FGF1: variants seen among roughly 807,000 people sequenced by gnomAD.
The protein encoded by FGF1 is beta-endothelial cell growth factor.
Under a neutral mutation model 13.4 loss-of-function variants are expected in FGF1, and 9 were observed. The ratio of observed to expected loss-of-function variants is 0.67; its 90% CI spans 0.40 to 1.17. FGF1 has a LOEUF of 1.17. FGF1 is among the 50% of genes most tolerant of loss of function. FGF1 has a pLI of 0.01. For missense variants in FGF1, 156 were observed against 192.7 expected (o/e 0.81, Z 1.13); for synonymous variants, 93 against 79.0 (o/e 1.18, Z -0.94).
chr5:142,625,150 AC>A (rs1762243502), intron 1 of FGF1, among the ~76,000 whole-genome samples: 1 of 152,176 alleles, frequency 6.6e-6, no homozygotes. Context: ...GTCTAGCCAC[AC>A]CAGACTCATC....
At chr5:142,606,321 G>T (rs1468878729) in intron 2 of FGF1, among the ~76,000 whole-genome samples, 1 of 151,224 alleles carries the variant, frequency 6.6e-6, no homozygotes, top group African/African-American at 2.4e-5. Context: ...AAATTGCAAT[G>T]GGAGAATATA....
chr5:142,694,973 C>T (rs1434227358), intron 2 of FGF1, among the ~76,000 whole-genome samples: 1 of 152,138 alleles, frequency 6.6e-6, no homozygotes, highest in Non-Finnish European at 1.5e-5. Context: ...TGACCCATCA[C>T]CTGTGCCCTT....
At chr5:142,644,672 A>G (rs566825968) in intron 1 of FGF1, among the ~76,000 whole-genome samples, 19 of 152,312 alleles carry the variant, frequency 1.2e-4, no homozygotes, top group South Asian at 1.0e-3. Flanking sequence ...TGCATGTCAT[A>G]TGATTTAGCA....
At chr5:142,607,450 A>G (rs1016570845) in intron 2 of FGF1, among the ~76,000 whole-genome samples, 3 of 152,220 alleles carry the variant, frequency 2.0e-5, no homozygotes, top group Admixed American at 2.0e-4. Context: ...AGATACGTCC[A>G]TGGTCTGTAG....
chr5:142,684,186 C>G (rs1478780426), intron 1 of FGF1, among the ~76,000 whole-genome samples: 1 of 152,178 alleles, frequency 6.6e-6, no homozygotes, highest in Non-Finnish European at 1.5e-5. Flanking sequence ...TGCATGTCAC[C>G]TAAGTGAGTG....
intron 2 of FGF1, among the ~76,000 whole-genome samples, chr5:142,609,293 A>C (rs1758531460): frequency 6.6e-6 from 1 of 152,182 alleles, no homozygotes; most frequent in African/African-American, 2.4e-5. Flanking sequence ...TGGTGCCGGT[A>C]ATTCTGCTCC....
intron 1 of FGF1, chr5:142,680,215 G>C (rs941290669): frequency 1.3e-5 from 2 of 152,138 alleles, no homozygotes; most frequent in Admixed American, 1.3e-4. Flanking sequence ...TATGAATTTG[G>C]GGGTGGACAC....
At chr5:142,621,103 C>G (rs534473423) in intron 1 of FGF1, among the ~76,000 whole-genome samples, 1 of 152,292 alleles carries the variant, frequency 6.6e-6, no homozygotes, top group African/African-American at 2.4e-5. Context: ...AATTCTGCTG[C>G]TAGTGACCAT....
At chr5:142,666,295 C>T (rs530939685) in intron 1 of FGF1, among the ~76,000 whole-genome samples, 1 of 150,498 alleles carries the variant, frequency 6.6e-6, no homozygotes, top group Non-Finnish European at 1.5e-5. Flanking sequence ...CACACACACA[C>T]ACACACACAC....
At chr5:142,661,202 C>G (rs768776464) in intron 1 of FGF1, among the ~76,000 whole-genome samples, 1 of 152,182 alleles carries the variant, frequency 6.6e-6, no homozygotes, top group Non-Finnish European at 1.5e-5. Flanking sequence ...TCAATAGCTG[C>G]CTCACAAACA....
rs1336782027 is a variant in FGF1, at chr5:142,666,276, TAATACACACA to T, written c.-35+19671_-35+19680del. ...TGACTCTAATGGTCTAAGGAGCATG[TAATACACACA>T]CACACACACACACACACACACACAC... On this transcript the variant is annotated intron_variant, in intron 1 of 3. Coordinates refer to ENST00000337706, the MANE Select transcript of FGF1 (RefSeq NM_000800.5). Among the ~76,000 whole-genome samples the T allele has an allele frequency of 9.8e-4, 80 of 81,690 alleles. 3 individuals carry two copies. The highest frequency in any genetic ancestry group is 4.9e-3 in the African/African-American group (70 of 14,418). 53.6% of individuals were successfully genotyped at this position (81,690 alleles called of 152,430 possible). A position where few individuals can be genotyped will look rare whatever the true frequency, so the allele number is the denominator to read the frequency against.
chr5:142,688,808 G>A (rs908124481), upstream of FGF1, among the ~76,000 whole-genome samples: 1 of 152,118 alleles, frequency 6.6e-6, no homozygotes, highest in Non-Finnish European at 1.5e-5. Context: ...TTTTCCTTTC[G>A]CATCCTAACA....
intron 2 of FGF1, among the ~76,000 whole-genome samples, chr5:142,694,395 A>T (rs1752775920): frequency 6.6e-6 from 1 of 152,220 alleles, no homozygotes. Context: ...AATCAATAGG[A>T]TCTGCTCTTT....
intron 1 of FGF1, among the ~76,000 whole-genome samples, chr5:142,631,915 C>A (rs906364544): frequency 1.3e-5 from 2 of 151,440 alleles, no homozygotes; most frequent in Non-Finnish European, 2.9e-5. Context: ...TCCCCATTAG[C>A]TGGGACTACA....
intron 1 of FGF1, among the ~76,000 whole-genome samples, chr5:142,660,266 G>A (rs1036390571): frequency 2.6e-5 from 4 of 152,220 alleles, no homozygotes; most frequent in Non-Finnish European, 5.9e-5. Context: ...GGTTTTAGGA[G>A]GAGTGGGAGC....
chr5:142,648,020 G>GGTTGCA (rs1766495536), intron 1 of FGF1, among the ~76,000 whole-genome samples: 2 of 152,192 alleles, frequency 1.3e-5, no homozygotes, highest in South Asian at 4.1e-4. Flanking sequence ...AGGAGGTGGA[G>GGTTGCA]GTTGCAGTGA....
At chr5:142,636,042 A>G (rs775326517) in intron 1 of FGF1, among the ~76,000 whole-genome samples, 23 of 152,304 alleles carry the variant, frequency 1.5e-4, no homozygotes, top group Non-Finnish European at 3.2e-4. Context: ...GCTGGTGGGA[A>G]GAAAATAAAA....
At chr5:142,662,724 G>A (rs1056480103) in intron 1 of FGF1, among the ~76,000 whole-genome samples, 2 of 152,062 alleles carry the variant, frequency 1.3e-5, no homozygotes, top group African/African-American at 4.8e-5. Flanking sequence ...TTGCCCTGGG[G>A]GAACTTAGAA....
chr5:142,639,224 G>GA (rs1350363380), intron 1 of FGF1, among the ~76,000 whole-genome samples: 5 of 151,970 alleles, frequency 3.3e-5, no homozygotes. Context: ...GCACTCCTGT[G>GA]TGCATTGCTA....
Sources: allele counts gnomAD v4.1 joint callset (sites outside exome capture counted in the v4.1 genomes callset), GRCh38; gene constraint gnomAD v4.1.1; transcripts MANE v1.5; gene names NCBI Gene and HGNC (gene_info 2026-07-23, HGNC 2026-07-21).